Variants in SMIM45 observed in about 807,000 individuals in gnomAD.
SMIM45 encodes the protein small integral membrane protein 45.
chr22:41,950,942 A>G, the SMIM45 span, among the ~76,000 whole-genome samples: 3 of 152,214 alleles, frequency 2.0e-5, no homozygotes, highest in Admixed American at 2.0e-4. Context: ...CAGTGAGCCG[A>G]GATTGCGCCA....
the SMIM45 span, among the ~76,000 whole-genome samples, chr22:41,947,888 G>A: frequency 6.6e-6 from 1 of 152,146 alleles, no homozygotes; most frequent in African/African-American, 2.4e-5. Flanking sequence ...TCCTGCTTCA[G>A]CCTCCTGAGT....
chr22:41,948,153 A>G, the SMIM45 span, among the ~76,000 whole-genome samples: 26 of 152,318 alleles, frequency 1.7e-4, no homozygotes, highest in East Asian at 2.5e-3. Context: ...CACTGTCTCT[A>G]CATCTAAAAT....
chr22:41,947,800 G>T, the SMIM45 span, among the ~76,000 whole-genome samples: 10 of 151,296 alleles, frequency 6.6e-5, no homozygotes, highest in Non-Finnish European at 1.0e-4. Context: ...TGAGTAGCTG[G>T]AACTACAGGC....
At chr22:41,947,041 G>T in the SMIM45 span, 1 of 1,612,918 alleles carries the variant, frequency 6.2e-7, no homozygotes, top group Non-Finnish European at 8.5e-7. Context: ...CCGTGTTCAG[G>T]CCGGGCAGCT....
the SMIM45 span, chr22:41,958,030 C>T: frequency 7.9e-6 from 2 of 254,584 alleles, no homozygotes; most frequent in Admixed American, 4.8e-5. Context: ...AGCCTGGGCC[C>T]TCCCGACAGA....
the SMIM45 span, among the ~76,000 whole-genome samples, chr22:41,948,093 T>C: frequency 6.6e-6 from 1 of 152,162 alleles, no homozygotes; most frequent in African/African-American, 2.4e-5. Context: ...GCAGGGACGC[T>C]CAGGGCCCAT....
At chr22:41,955,285 C>T in the SMIM45 span, among the ~76,000 whole-genome samples, 44,221 of 151,440 alleles carry the variant, frequency 0.29, 7,991 homozygotes, top group African/African-American at 0.51. Context: ...GTTCAAGCAA[C>T]TCTCCTGCCT....
chr22:41,955,844 C>T, the SMIM45 span, among the ~76,000 whole-genome samples: 2 of 150,954 alleles, frequency 1.3e-5, no homozygotes, highest in East Asian at 3.9e-4. Context: ...ACCCTTAGGA[C>T]GTGGGTGCTA....
At chr22:41,955,240 GCA>G in the SMIM45 span, among the ~76,000 whole-genome samples, 1 of 151,722 alleles carries the variant, frequency 6.6e-6, no homozygotes, top group Non-Finnish European at 1.5e-5. Context: ...GAGTGCAGTG[GCA>G]CAGTCGTGGC....
chr22:41,948,979 C>A, the SMIM45 span, among the ~76,000 whole-genome samples: 1 of 152,100 alleles, frequency 6.6e-6, no homozygotes, highest in South Asian at 2.1e-4. Context: ...GTAGGAGAAT[C>A]GCTTGAACTT....
At chr22:41,948,774 C>A in the SMIM45 span, among the ~76,000 whole-genome samples, 1 of 151,876 alleles carries the variant, frequency 6.6e-6, no homozygotes, top group Non-Finnish European at 1.5e-5. Context: ...TTTAAATTAG[C>A]TGAGCAGGGT....
the SMIM45 span, chr22:41,957,754 C>G: frequency 4.6e-5 from 7 of 153,678 alleles, no homozygotes; most frequent in African/African-American, 1.7e-4. Flanking sequence ...TGGTGGGCTT[C>G]GGCGCCTGCA....
chr22:41,956,386 C>T, the SMIM45 span, among the ~76,000 whole-genome samples: 1 of 152,188 alleles, frequency 6.6e-6, no homozygotes, highest in Non-Finnish European at 1.5e-5. Context: ...GGGGCCTTGT[C>T]CTTACAACTA....
chr22:41,953,686 A>G, the SMIM45 span, among the ~76,000 whole-genome samples: 1 of 150,852 alleles, frequency 6.6e-6, no homozygotes, highest in East Asian at 2.0e-4. Flanking sequence ...GGGTGGGTTC[A>G]ATAGGCCCTG....
chr22:41,948,009 G>A, the SMIM45 span, among the ~76,000 whole-genome samples: 2 of 152,148 alleles, frequency 1.3e-5, no homozygotes, highest in African/African-American at 4.8e-5. Context: ...ATCTTTCAAG[G>A]TTCCTTGCTG....
At chr22:41,957,983 G>T in the SMIM45 span, 3 of 151,838 alleles carry the variant, frequency 2.0e-5, no homozygotes, top group Non-Finnish European at 4.3e-5. Flanking sequence ...AAGGCAGAGG[G>T]AGGCCGGCCT....
the SMIM45 span, chr22:41,947,015 C>T: frequency 4.1e-5 from 66 of 1,612,630 alleles, no homozygotes; most frequent in Non-Finnish European, 5.5e-5. Flanking sequence ...GCCGCCTGCA[C>T]CTACCAAGAT....
At chr22:41,947,197 A>G in the SMIM45 span, 1 of 892,120 alleles carries the variant, frequency 1.1e-6, no homozygotes, top group Non-Finnish European at 1.8e-6. Flanking sequence ...GCTTCGCGGG[A>G]CGGGACGGGG....
At chr22:41,947,084 G>A in the SMIM45 span, 1 of 1,612,800 alleles carries the variant, frequency 6.2e-7, no homozygotes, top group Non-Finnish European at 8.5e-7. Context: ...CATCACAGCC[G>A]CAGGACCAAC....
Sources: gnomAD v4.1 joint callset for allele counts (sites outside exome capture counted in the v4.1 genomes callset) on GRCh38, gnomAD v4.1.1 for gene constraint, MANE v1.5 for transcripts, NCBI Gene and HGNC (gene_info 2026-07-23, HGNC 2026-07-21) for gene names.